The following CSPP1 variants were observed in gnomAD, a reference collection of about 807,000 sequenced individuals.
CSPP1 encodes the protein centrosome and spindle pole-associated protein 1.
CSPP1 carries 126 observed loss-of-function variants against 164.4 expected under a neutral mutation model. The ratio of observed to expected loss-of-function variants is 0.77; its 90% CI spans 0.66 to 0.89. The LOEUF (loss-of-function observed/expected upper bound fraction) is 0.89. CSPP1 is among the 40% of genes least tolerant of loss of function. The probability of loss-of-function intolerance (pLI) is 0.00; values close to 1 mark genes in which losing one functional copy is unlikely to be tolerated. For missense variants in CSPP1, 1,395 were observed against 1,449.8 expected, an observed-to-expected ratio of 0.96 and a Z score of 0.61; for synonymous variants, 472 against 476.7, an observed-to-expected ratio of 0.99 and a Z score of 0.13.
chr8:67,100,999 T>A (rs59335949), intron 7 of CSPP1, among the ~76,000 whole-genome samples: 18,702 of 151,928 alleles, frequency 0.12, 2,254 homozygotes, highest in African/African-American at 0.31. Context: ...AATGATACAA[T>A]GCAAAATCAG....
chr8:67,184,744 T>TAATAATAATAATA (rs1554621539), intron 28 of CSPP1, among the ~76,000 whole-genome samples: 7 of 142,498 alleles, frequency 4.9e-5, no homozygotes, highest in African/African-American at 1.8e-4. Flanking sequence ...AATAAAAAAA[T>TAATAATAATAATA]ATAATAATAA....
intron 1 of CSPP1, among the ~76,000 whole-genome samples, chr8:67,065,857 C>A (rs1174532399): frequency 1.3e-5 from 2 of 152,166 alleles, no homozygotes; most frequent in Admixed American, 1.3e-4. Context: ...AGATGGCCGC[C>A]TGGGAGGGAG....
At chr8:67,127,773 A>G (rs529050277) in intron 15 of CSPP1, among the ~76,000 whole-genome samples, 6 of 152,308 alleles carry the variant, frequency 3.9e-5, no homozygotes, top group East Asian at 3.9e-4. Context: ...TCCTCAGTAT[A>G]GTTGTTTTTA....
chr8:67,188,541 C>T (rs1278073184), intron 28 of CSPP1, among the ~76,000 whole-genome samples: 1 of 152,212 alleles, frequency 6.6e-6, no homozygotes, highest in Non-Finnish European at 1.5e-5. Flanking sequence ...AGTGGCAACC[C>T]GTTTTGGGTC....
At chr8:67,188,464 T>C (rs1835294437) in intron 28 of CSPP1, among the ~76,000 whole-genome samples, 4 of 152,170 alleles carry the variant, frequency 2.6e-5, no homozygotes, top group Non-Finnish European at 5.9e-5. Flanking sequence ...AGTGAAATCA[T>C]ATATCGCCTG....
chr8:67,140,942 C>G (rs1010399471), intron 17 of CSPP1, among the ~76,000 whole-genome samples: 1 of 152,126 alleles, frequency 6.6e-6, no homozygotes, highest in Non-Finnish European at 1.5e-5. Context: ...TAGGTTCTAA[C>G]CTAACTGCTT....
intron 2 of CSPP1, among the ~76,000 whole-genome samples, chr8:67,076,097 T>C (rs536450902): frequency 3.0e-4 from 46 of 152,238 alleles, no homozygotes; most frequent in African/African-American, 2.4e-4. Context: ...TTTTTTTTTT[T>C]CCATAACCAC....
intron 14 of CSPP1, 121 bp from the exon 15 acceptor site, chr8:67,118,622 A>G: frequency 1.3e-6 from 1 of 756,810 alleles, no homozygotes; most frequent in East Asian, 2.7e-5. Context: ...CCAGAAGGAA[A>G]TATTGATGGT....
chr8:67,146,557 A>G (rs907050874), intron 17 of CSPP1, among the ~76,000 whole-genome samples: 4 of 152,154 alleles, frequency 2.6e-5, no homozygotes, highest in African/African-American at 9.6e-5. Context: ...ATGTATTGTT[A>G]GTAGTGCTAG....
chr8:67,117,842 C>T (rs965169226), intron 13 of CSPP1, among the ~76,000 whole-genome samples: 2 of 152,102 alleles, frequency 1.3e-5, no homozygotes, highest in African/African-American at 4.8e-5. Flanking sequence ...TAGCAATCTG[C>T]ATTTTTTGGG....
At chr8:67,120,154 T>C (rs1000230049) in intron 15 of CSPP1, among the ~76,000 whole-genome samples, 1 of 152,204 alleles carries the variant, frequency 6.6e-6, no homozygotes, top group African/African-American at 2.4e-5. Context: ...GATATTGGCA[T>C]TCTTGTTGAA....
intron 15 of CSPP1, among the ~76,000 whole-genome samples, chr8:67,126,671 G>A (rs956747024): frequency 5.9e-5 from 9 of 152,024 alleles, no homozygotes; most frequent in East Asian, 1.9e-4. Context: ...GAGCTTCCTC[G>A]GGCATCCATA....
At chr8:67,118,641 T>G (rs1461015780) in intron 14 of CSPP1, 102 bp from the exon 15 acceptor site, 38 of 821,684 alleles carry the variant, frequency 4.6e-5, no homozygotes, top group Non-Finnish European at 6.0e-5. Context: ...GTTTTCTCTA[T>G]GTAACATTTT....
At chr8:67,071,014 GAGTGCTGGGATTACAAGTGTGAGCCACCA>G (rs1482255830) in intron 1 of CSPP1, among the ~76,000 whole-genome samples, 1 of 152,060 alleles carries the variant, frequency 6.6e-6, no homozygotes, top group African/African-American at 2.4e-5. Context: ...CAGCCTCTCA[GAGTGCTGGGATTACAAGTGTGAGCCACCA>G]AGCCCAGCCT....
At chr8:67,070,462 CAAA>C (rs1211009546) in intron 1 of CSPP1, among the ~76,000 whole-genome samples, 4 of 79,818 alleles carry the variant, frequency 5.0e-5, no homozygotes, top group Non-Finnish European at 5.3e-5. Context: ...GACTCCATCT[CAAA>C]AAAAAAAAAA....
At chr8:67,064,894 A>G in intron 1 of CSPP1, 1 of 193,074 alleles carries the variant, frequency 5.2e-6, no homozygotes, top group Non-Finnish European at 1.1e-5. Context: ...CCCTGGTTAC[A>G]CGGTCCGGAT....
At chr8:67,137,359 C>A in intron 16 of CSPP1, 97 bp from the exon 17 acceptor site, 3 of 955,890 alleles carry the variant, frequency 3.1e-6, no homozygotes, top group Non-Finnish European at 4.3e-6. Context: ...AATTTTTTTG[C>A]TTGTTTTCTA....
chr8:67,179,337 A>C (rs1317624553), intron 27 of CSPP1, among the ~76,000 whole-genome samples: 2 of 152,136 alleles, frequency 1.3e-5, no homozygotes, highest in Non-Finnish European at 2.9e-5. Flanking sequence ...ATAATCTGAG[A>C]GTATACCCCT....
At chr8:67,096,096 A>G (rs1812693705) in intron 7 of CSPP1, among the ~76,000 whole-genome samples, 1 of 152,238 alleles carries the variant, frequency 6.6e-6, no homozygotes, top group Admixed American at 6.5e-5. Flanking sequence ...GAGAATTTGA[A>G]GTGTAAATTA....
Sources: gnomAD v4.1 joint callset for allele counts (sites outside exome capture counted in the v4.1 genomes callset) on GRCh38, gnomAD v4.1.1 for gene constraint, MANE v1.5 for transcripts, NCBI Gene and HGNC (gene_info 2026-07-23, HGNC 2026-07-21) for gene names.